OR8G1: variants seen among roughly 807,000 people sequenced by gnomAD.
OR8G1 encodes the protein olfactory receptor family 8 subfamily G member 1.
For missense variants in OR8G1, 372 were observed against 356.2 expected, an observed-to-expected ratio of 1.04 and a Z score of -0.36; for synonymous variants, 129 against 133.3, an observed-to-expected ratio of 0.97 and a Z score of 0.22.
intron 1 of OR8G1, among the ~76,000 whole-genome samples, chr11:124,246,232 CA>C (rs1428891649): frequency 6.6e-6 from 1 of 151,750 alleles, no homozygotes; most frequent in Non-Finnish European, 1.5e-5. Context: ...TAATTTCTCT[CA>C]GAAATATTTG....
chr11:124,244,435 A>C (rs1040993901), intron 1 of OR8G1, among the ~76,000 whole-genome samples: 6 of 151,948 alleles, frequency 3.9e-5, no homozygotes, highest in African/African-American at 1.4e-4. Flanking sequence ...TATGTCCTAC[A>C]TCTGGCTGTA....
Position 124,253,522 on chromosome 11 carries a change from T to C in OR8G1, c.*2911T>C, listed in dbSNP as rs1319743989. 2.4e-5 allele frequency: 1 copy of C among 40,956 alleles called. No homozygotes were observed. Among genetic ancestry groups the C allele is most frequent in the African/African-American group, 6.0e-5 (1 of 16,754 alleles). The allele number at this position is 40,956 out of a possible 1,614,324, so 2.5% of individuals were successfully genotyped here. A position where few individuals can be genotyped will look rare whatever the true frequency, so the allele number is the denominator to read the frequency against. On this transcript the variant is annotated 3_prime_UTR_variant, in exon 3 of 3. Coordinates refer to ENST00000641972, the MANE Select transcript of OR8G1 (RefSeq NM_001002905.2). ...TATTGTGTACAAGTTATTTTGAATG[T>C]GTGTGTGTGTGTATAGCGAAATGCC...
rs535417367 is a variant in OR8G1 at position 124,242,749 on chromosome 11, A to G, written c.-97+1385A>G. Among the ~76,000 whole-genome samples, 67 of 152,156 alleles carry G rather than the reference A, an allele frequency of 4.4e-4. No homozygotes were observed. In the South Asian group the frequency reaches 0.013, roughly 30 times the overall value. The stretch of plus-strand genomic sequence containing the variant: ...AGTACACTTTTATGTTTTCTTATGA[A>G]TTGTATTCAAACCAGATATGTTGTA... On this transcript the variant is annotated intron_variant, in intron 1 of 2. Transcript: ENST00000641972.
At position 124,250,542 on chromosome 11, in the gene OR8G1, T is replaced by TACA; in HGVS notation, c.867_868insACA (p.Ile289_Tyr290insThr). On this transcript the variant is annotated inframe_insertion, in exon 3 of 3. Coordinates refer to ENST00000641972, the MANE Select transcript of OR8G1 (RefSeq NM_001002905.2). ...TTGTGCCCATGTTGAACCCTCTGAT[T>TACA]TATAGCCTGAGGAATAAAGATGTCC... 1.2e-5 allele frequency: 6 copies of TACA among 485,006 alleles called. 3 individuals are homozygous for TACA. Among genetic ancestry groups the TACA allele is most frequent in the Middle Eastern group, 1.3e-3 (2 of 1,496 alleles). The allele number at this position is 485,006 out of a possible 1,614,324, so 30.0% of individuals were successfully genotyped here. A position where few individuals can be genotyped will look rare whatever the true frequency, so the allele number is the denominator to read the frequency against.
chr11:124,247,870 A>G lies in OR8G1; in HGVS notation c.-27A>G, dbSNP rs921639664. The G allele has an allele frequency of 3.3e-5, 5 of 151,812 alleles. No homozygotes were observed. Among genetic ancestry groups the G allele is most frequent in the African/African-American group, 1.2e-4 (5 of 41,402 alleles). The allele number at this position is 151,812 out of a possible 1,614,324, so 9.4% of individuals were successfully genotyped here. On this transcript the variant is annotated 5_prime_UTR_variant, in exon 2 of 3. Coordinates refer to ENST00000641972, the MANE Select transcript of OR8G1 (RefSeq NM_001002905.2). ...AATCTTCATGTAGACAAACGTTTAC[A>G]TTTTTCTTGGGTAAGTACTGAGGAG...
At position 124,251,479 on chromosome 11, in the gene OR8G1, A is replaced by G. The variant is rs1861867160; in HGVS notation, c.*868A>G. On this transcript the variant is annotated 3_prime_UTR_variant, in exon 3 of 3. Transcript: ENST00000641972. ...TTAGAAGGTTCTTCAAGAATCTATA[A>G]TATAACTGGTAACATTCTGACCTAT... 1 of 680,902 alleles carries G rather than the reference A, an allele frequency of 1.5e-6. No homozygotes were observed. Among genetic ancestry groups the G allele is most frequent in the African/African-American group, 1.7e-5 (1 of 58,556 alleles). The allele number at this position is 680,902 out of a possible 1,614,324, so 42.2% of individuals were successfully genotyped here.
chr11:124,246,802 A>G (rs1024963158), intron 1 of OR8G1, among the ~76,000 whole-genome samples: 1 of 151,452 alleles, frequency 6.6e-6, no homozygotes, highest in Non-Finnish European at 1.5e-5. Flanking sequence ...AATGATTTAC[A>G]TAATTCAGAT....
chr11:124,242,603 A>C (rs1330452248), intron 1 of OR8G1, among the ~76,000 whole-genome samples: 2 of 151,958 alleles, frequency 1.3e-5, no homozygotes, highest in Non-Finnish European at 2.9e-5. Flanking sequence ...TATGTTACAG[A>C]TCTTACATGG....
rs1555051608 is a variant in OR8G1 at position 124,250,130 on chromosome 11, G to A, written c.455G>A (p.Gly152Asp). 6.2e-7 allele frequency: 1 copy of A among 1,613,656 alleles called. No individual in the cohort carries two copies. Among genetic ancestry groups the A allele is most frequent in the Non-Finnish European group, 8.5e-7 (1 of 1,179,820 alleles). ...CTGATTTTAGGGGTGTATATAATAG[G>A]CCTGGTTTGTGCATCAGTTCATACA... ...FSLILGVYII[G>D]LVCASVHTGC... is the part of the protein sequence containing the mutation. The change falls in exon 3 of 3, where the codon GGC becomes GAC. Residue 152 changes from glycine (G) to aspartate (D), a missense_variant. Physicochemically the swap from Gly to Asp is moderately conservative, Grantham distance 94. Coordinates refer to ENST00000641972, the MANE Select transcript of OR8G1 (RefSeq NM_001002905.2).
intron 1 of OR8G1, among the ~76,000 whole-genome samples, chr11:124,247,504 A>G (rs76475393): frequency 0.045 from 6,877 of 151,972 alleles, 209 homozygotes; most frequent in South Asian, 0.13. Context: ...AATAAATTCA[A>G]TCCATTACTA....
At chr11:124,249,118 G>A (rs886799043) in intron 2 of OR8G1, among the ~76,000 whole-genome samples, 9 of 152,132 alleles carry the variant, frequency 5.9e-5, no homozygotes, top group East Asian at 1.9e-4. Flanking sequence ...AGTCCAGCTC[G>A]TGTTAAATTT....
chr11:124,250,213 GA>G lies in OR8G1; in HGVS notation c.539del (p.Asp180ValfsTer6), dbSNP rs771827793. 77 of 1,613,718 alleles carry G rather than the reference GA, an allele frequency of 4.8e-5. No homozygotes were observed. The African/African-American group carries it at 9.6e-4, about 20-fold the overall frequency. On this transcript the variant is annotated frameshift_variant, in exon 3 of 3. Transcript: ENST00000641972. LOFTEE classifies it low-confidence loss of function (END_TRUNC). Reference protein sequence around the residue: ...KFDLINHYFCDLLPLLKLSCS... With the variant: ...KFDLINHYFCXLLPLLKLSCS... Reference sequence around the variant, plus strand: ...TGATTTGATTAACCATTATTTCTGTGATCTTCTTCCCCTCCTAAAGCTCTCT... The same window carrying G: ...TGATTTGATTAACCATTATTTCTGTGTCTTCTTCCCCTCCTAAAGCTCTCT...
Position 124,252,109 on chromosome 11 carries a change from TAATAGGACTATTTC to T in OR8G1, c.*1499_*1512del. The T allele has an allele frequency of 6.6e-6, 1 of 152,058 alleles. No homozygotes were observed. 9.4% of individuals were successfully genotyped at this position (152,058 alleles called of 1,614,324 possible). On this transcript the variant is annotated 3_prime_UTR_variant, in exon 3 of 3. Transcript: ENST00000641972. Reference sequence around the variant, plus strand: ...GAGTGTAGGTGAATGAGCCATAGGTTAATAGGACTATTTCCCGGGAACTCTAAAAACATGGCATG... The same window carrying T: ...GAGTGTAGGTGAATGAGCCATAGGTTCCGGGAACTCTAAAAACATGGCATG...
chr11:124,242,984 A>AG (rs1861774420), intron 1 of OR8G1, among the ~76,000 whole-genome samples: 1 of 152,026 alleles, frequency 6.6e-6, no homozygotes, highest in Non-Finnish European at 1.5e-5. Context: ...GTCAATTCCC[A>AG]AATCCATGTA....
rs1352036872 is a variant in OR8G1 at position 124,253,568 on chromosome 11, A to G, written c.*2957A>G. 1 of 152,284 alleles carries G rather than the reference A, an allele frequency of 6.6e-6. No individual in the cohort carries two copies. Among genetic ancestry groups the G allele is most frequent in the East Asian group, 1.9e-4 (1 of 5,192 alleles). 9.4% of individuals were successfully genotyped at this position (152,284 alleles called of 1,614,324 possible). ...ATGCCTAAATTGAGCTAGTTAACATATATATTACCTAACATATTTATTTGT... is the reference window on the plus strand; with the variant it reads ...ATGCCTAAATTGAGCTAGTTAACATGTATATTACCTAACATATTTATTTGT... On this transcript the variant is annotated 3_prime_UTR_variant, in exon 3 of 3. Coordinates refer to ENST00000641972, the MANE Select transcript of OR8G1 (RefSeq NM_001002905.2).
intron 2 of OR8G1, 67 bp from the exon 3 acceptor site, chr11:124,249,593 A>G: frequency 6.9e-7 from 1 of 1,454,594 alleles, no homozygotes; most frequent in Non-Finnish European, 9.1e-7. Flanking sequence ...CCTTTTCTCA[A>G]TGAAGAATAA....
chr11:124,243,369 C>T lies in OR8G1; in HGVS notation c.-97+2005C>T, dbSNP rs1313399847. ...CCTCATATTGATCCTATAGTGATCA[C>T]ATGAGGACACATAAATAATAGAAAA... On this transcript the variant is annotated intron_variant, in intron 1 of 2. Transcript: ENST00000641972. Among the ~76,000 whole-genome samples the T allele has an allele frequency of 2.6e-5, 4 of 152,002 alleles. No individual in the cohort carries two copies. In the South Asian group the frequency reaches 8.3e-4, roughly 32 times the overall value.
intron 1 of OR8G1, among the ~76,000 whole-genome samples, chr11:124,244,251 G>C (rs17771860): frequency 0.28 from 42,407 of 151,748 alleles, 6,029 homozygotes; most frequent in South Asian, 0.39. Flanking sequence ...GATGTCTCTA[G>C]GGAACAGGAC....
intron 1 of OR8G1, among the ~76,000 whole-genome samples, chr11:124,246,211 T>C (rs1428089659): frequency 2.0e-5 from 3 of 152,052 alleles, no homozygotes; most frequent in African/African-American, 7.2e-5. Context: ...AAGGGAGGGA[T>C]CCAGTTTCTT....
Sources: gnomAD v4.1 joint callset for allele counts (sites outside exome capture counted in the v4.1 genomes callset) on GRCh38, gnomAD v4.1.1 for gene constraint, MANE v1.5 for transcripts, NCBI Gene and HGNC (gene_info 2026-07-23, HGNC 2026-07-21) for gene names.